Variants in GAB2 observed in about 807,000 individuals in gnomAD.
GAB2 encodes the protein GRB2-associated-binding protein 2.
In GAB2, 26 loss-of-function variants were observed where a neutral mutation model predicts 65.5. The ratio of observed to expected loss-of-function variants is 0.40; its 90% CI spans 0.29 to 0.55. The LOEUF (loss-of-function observed/expected upper bound fraction) is 0.55, where lower values mean the gene tolerates loss of function less well. Among genes scored for constraint, GAB2 ranks in the 20% least tolerant of loss-of-function variants. The probability of loss-of-function intolerance (pLI) is 0.53; values close to 1 mark genes in which losing one functional copy is unlikely to be tolerated. For synonymous variants in GAB2, 321 were observed against 329.6 expected, an observed-to-expected ratio of 0.97 and a Z score of 0.28; for missense variants, 884 against 875.8, an observed-to-expected ratio of 1.01 and a Z score of -0.12.
chr11:78,287,072 G>A (rs1255239588), intron 1 of GAB2, among the ~76,000 whole-genome samples: 2 of 152,192 alleles, frequency 1.3e-5, no homozygotes, highest in Non-Finnish European at 2.9e-5. Flanking sequence ...AAGGAGGTAA[G>A]GCTGATTCCA....
At chr11:78,388,644 T>C (rs1856797727) in intron 1 of GAB2, among the ~76,000 whole-genome samples, 1 of 152,162 alleles carries the variant, frequency 6.6e-6, no homozygotes, top group African/African-American at 2.4e-5. Context: ...TGTTTATAGA[T>C]GGGGCTCACA....
chr11:78,300,526 A>AAAAAAAAAAAAAAC (rs768693943), intron 1 of GAB2, among the ~76,000 whole-genome samples: 1 of 145,408 alleles, frequency 6.9e-6, no homozygotes. Context: ...TAAAAAAACA[A>AAAAAAAAAAAAAAC]AAAAACAAAA....
At chr11:78,382,170 C>T (rs2134739652) in intron 1 of GAB2, among the ~76,000 whole-genome samples, 1 of 152,304 alleles carries the variant, frequency 6.6e-6, no homozygotes, top group South Asian at 2.1e-4. Flanking sequence ...GTACCCTCCT[C>T]TGTGCTCTCA....
At chr11:78,310,101 G>C (rs549850013) in intron 1 of GAB2, among the ~76,000 whole-genome samples, 2 of 151,936 alleles carry the variant, frequency 1.3e-5, no homozygotes, top group East Asian at 3.9e-4. Flanking sequence ...ATAAAATCTC[G>C]CATAACAAAG....
chr11:78,303,021 T>C (rs75854120), intron 1 of GAB2, among the ~76,000 whole-genome samples: 13,345 of 152,140 alleles, frequency 0.088, 1,855 homozygotes, highest in African/African-American at 0.3. Context: ...GAAAGAATGA[T>C]GCAATGAATT....
rs59349951 is a variant in GAB2, at chr11:78,336,480, G to GTT, written c.76-55581_76-55580dup. Among the ~76,000 whole-genome samples, 594 of 127,526 alleles carry GTT rather than the reference G, an allele frequency of 4.7e-3. 5 individuals carry two copies. Among genetic ancestry groups the GTT allele is most frequent in the Admixed American group, 7.2e-3 (88 of 12,288 alleles). The allele number at this position is 127,526 out of a possible 152,430, so 83.7% of individuals were successfully genotyped here. A position where few individuals can be genotyped will look rare whatever the true frequency, so the allele number is the denominator to read the frequency against. ...GAATTTATCAGTTGTAATAGTTGTT[G>GTT]TTTTTTTTTTTTTTTGGTGAAGTCT... On this transcript the variant is annotated intron_variant, in intron 1 of 9. Transcript: ENST00000361507.
chr11:78,373,065 G>C (rs1484211943), intron 1 of GAB2, among the ~76,000 whole-genome samples: 1 of 151,976 alleles, frequency 6.6e-6, no homozygotes, highest in East Asian at 1.9e-4. Context: ...AGGGAATCTT[G>C]GTAGATACAC....
At chr11:78,358,254 T>A (rs1324264726) in intron 1 of GAB2, among the ~76,000 whole-genome samples, 2 of 123,410 alleles carry the variant, frequency 1.6e-5, no homozygotes, top group African/African-American at 6.3e-5. Flanking sequence ...ATGAGAACAC[T>A]TGGACACAGG....
chr11:78,350,092 AAGTTAG>A (rs1856253380), intron 1 of GAB2, among the ~76,000 whole-genome samples: 1 of 152,158 alleles, frequency 6.6e-6, no homozygotes, highest in Non-Finnish European at 1.5e-5. Flanking sequence ...ATTGAAAAAA[AAGTTAG>A]GCAAATGGGT....
At chr11:78,257,857 A>G (rs984539136) in intron 2 of GAB2, among the ~76,000 whole-genome samples, 4 of 151,972 alleles carry the variant, frequency 2.6e-5, no homozygotes, top group Non-Finnish European at 5.9e-5. Flanking sequence ...CAGAGACATC[A>G]ATAGCAAACT....
chr11:78,297,578 T>C (rs1422782433), intron 1 of GAB2, among the ~76,000 whole-genome samples: 1 of 151,798 alleles, frequency 6.6e-6, no homozygotes. Flanking sequence ...ACAGCATAGG[T>C]AAAGGCCCTG....
At chr11:78,252,497 G>A (rs1459784483) in intron 2 of GAB2, among the ~76,000 whole-genome samples, 5 of 152,134 alleles carry the variant, frequency 3.3e-5, no homozygotes, top group African/African-American at 1.2e-4. Flanking sequence ...CAGGGAACCT[G>A]CAAAAAGCAA....
At chr11:78,367,821 C>CTTTTTTTTTTTT (rs569887849) in intron 1 of GAB2, among the ~76,000 whole-genome samples, 1 of 116,122 alleles carries the variant, frequency 8.6e-6, no homozygotes, top group Non-Finnish European at 1.8e-5. Context: ...TTTTCTTTTT[C>CTTTTTTTTTTTT]TTTTTTTTTT....
chr11:78,260,445 C>T (rs1388434925), intron 2 of GAB2, among the ~76,000 whole-genome samples: 1 of 152,082 alleles, frequency 6.6e-6, no homozygotes, highest in Admixed American at 6.6e-5. Context: ...GCCTTGTCTC[C>T]CTAGTTAGAA....
intron 1 of GAB2, among the ~76,000 whole-genome samples, chr11:78,343,296 T>C (rs947412014): frequency 6.6e-6 from 1 of 151,074 alleles, no homozygotes; most frequent in African/African-American, 2.4e-5. Context: ...TCCCCGTTGA[T>C]AGACTGAAAA....
intron 1 of GAB2, chr11:78,318,344 A>G (rs1189289077): frequency 8.1e-6 from 1 of 123,800 alleles, no homozygotes; most frequent in East Asian, 2.1e-4. Flanking sequence ...CAGGAAAGAC[A>G]TTTTGGGATC....
chr11:78,287,208 G>C (rs965920095), intron 1 of GAB2, among the ~76,000 whole-genome samples: 3 of 152,176 alleles, frequency 2.0e-5, no homozygotes, highest in Non-Finnish European at 2.9e-5. Context: ...AGAAAAACAG[G>C]AACAGAGGGG....
At chr11:78,326,780 A>C (rs1855830138) in intron 1 of GAB2, among the ~76,000 whole-genome samples, 1 of 152,204 alleles carries the variant, frequency 6.6e-6, no homozygotes, top group Admixed American at 6.5e-5. Context: ...TCTCAGAACT[A>C]ACTCAGTTTG....
At chr11:78,387,998 G>C (rs1436653053) in intron 1 of GAB2, 5 of 151,838 alleles carry the variant, frequency 3.3e-5, no homozygotes, top group African/African-American at 9.7e-5. Flanking sequence ...ACTCTATATA[G>C]TAAGTGCTCA....
Sources: allele counts gnomAD v4.1 joint callset (sites outside exome capture counted in the v4.1 genomes callset), GRCh38; gene constraint gnomAD v4.1.1; transcripts MANE v1.5; gene names NCBI Gene and HGNC (gene_info 2026-07-23, HGNC 2026-07-21).